The following SLC12A2 variants were observed in gnomAD, a reference collection of about 807,000 sequenced individuals.
SLC12A2 encodes the protein solute carrier family 12 member 2.
SLC12A2 carries 67 observed loss-of-function variants against 136.3 expected under a neutral mutation model. The observed-to-expected ratio is 0.49, with a 90% CI of 0.40 to 0.60. The LOEUF is 0.60. Ranked by LOEUF, SLC12A2 falls within the 20% of genes least tolerant of loss-of-function variation. SLC12A2 has a pLI of 0.00. For missense variants in SLC12A2, 1,322 were observed against 1,534.7 expected (o/e 0.86, Z 2.32); for synonymous variants, 619 against 562.9 (o/e 1.10, Z -1.41).
In SLC12A2 at chr5:128,114,594, G is replaced by A; in HGVS notation, c.961G>A (p.Val321Ile). The part of the protein sequence containing the change: ...IVGQAGIGLS[V>I]LVIMMATVVT... ...TTTCTTTCTTCGTAAAGGTCTATCA[G>A]TCCTTGTAATAATGATGGCCACTGT... The change falls in exon 4 of 27, where the codon GTC becomes ATC. Residue 321 changes from valine (V) to isoleucine (I), a missense_variant. By Grantham distance (29) the Val-to-Ile change is conservative (BLOSUM62 3). Coordinates refer to ENST00000262461, the MANE Select transcript of SLC12A2 (RefSeq NM_001046.3). The A allele has an allele frequency of 6.2e-7, 1 of 1,605,464 alleles. No individual in the cohort carries two copies. The highest frequency in any genetic ancestry group is 1.1e-5 in the South Asian group (1 of 90,862).
chr5:128,184,582 G>A (rs574057235), intron 25 of SLC12A2, 81 bp downstream of exon 25: 2 of 1,325,102 alleles, frequency 1.5e-6, no homozygotes, highest in South Asian at 1.5e-5. Context: ...TGATATAGGA[G>A]GGTCAGTTGT....
At position 128,171,687 on chromosome 5, in the gene SLC12A2, A is replaced by G. The variant is rs1581134122; in HGVS notation, c.2744A>G (p.Tyr915Cys). ...CTTAGTGATGCTTTTGACATACAATATGGAGTAGTGGTTATTCGCCTAAAA... is the reference window on the plus strand; with the variant it reads ...CTTAGTGATGCTTTTGACATACAATGTGGAGTAGTGGTTATTCGCCTAAAA... ...NLFHDAFDIQ[Y>C]GVVVIRLKEG... Residue 915 changes from tyrosine (Y) to cysteine (C), a missense_variant, in exon 19 of 27, where the codon TAT (tyrosine) becomes TGT (cysteine). By Grantham distance (194) the Tyr-to-Cys change is radical. Transcript: ENST00000262461. The G allele has an allele frequency of 6.3e-6, 10 of 1,583,956 alleles. No homozygotes were observed. Among genetic ancestry groups the G allele is most frequent in the Non-Finnish European group, 8.5e-6 (10 of 1,170,346 alleles).
rs780260587 is a variant in SLC12A2 at position 128,084,338 on chromosome 5, G to A, written c.384G>A (p.Pro128=). The part of the protein sequence containing the change: ...ADGEASGESE[P]AKGSEEAKGR... ...GGGAAGCCAGCGGCGAGAGCGAGCC[G>A]GCTAAAGGCAGCGAGGAAGCCAAGG... The change falls in exon 1 of 27, where the codon CCG becomes CCA. Residue 128 remains proline (P), a synonymous_variant. Coordinates refer to ENST00000262461, the MANE Select transcript of SLC12A2 (RefSeq NM_001046.3). This position sits in a 1 kb window ranked among gnomAD's most constrained non-coding sequence, Gnocchi z 5.6. 2 of 1,580,172 alleles carry A rather than the reference G, an allele frequency of 1.3e-6. No homozygotes were observed. Among genetic ancestry groups the A allele is most frequent in the East Asian group, 2.3e-5 (1 of 43,794 alleles).
At chr5:128,168,112 G>T in intron 18 of SLC12A2, 1 of 305,416 alleles carries the variant, frequency 3.3e-6, no homozygotes, top group Non-Finnish European at 5.9e-6. Flanking sequence ...ATATATGTAT[G>T]TATATGTATA....
At chr5:128,159,936 C>G (rs1469036000) in intron 16 of SLC12A2, among the ~76,000 whole-genome samples, 1 of 152,150 alleles carries the variant, frequency 6.6e-6, no homozygotes, top group African/African-American at 2.4e-5. Context: ...GACACATACA[C>G]ACGTATGTTT....
At chr5:128,161,276 CA>C (rs1459693910) in intron 16 of SLC12A2, among the ~76,000 whole-genome samples, 67 of 152,230 alleles carry the variant, frequency 4.4e-4, no homozygotes, top group Non-Finnish European at 7.1e-4. Context: ...ATTAATAACA[CA>C]GACATTTGGG....
chr5:128,140,648 G>A (rs7714696), intron 9 of SLC12A2, among the ~76,000 whole-genome samples: 2,115 of 152,116 alleles, frequency 0.014, 90 homozygotes, highest in African/African-American at 0.049. Context: ...AGCTAGGCCA[G>A]TAAAGGCAGC....
In SLC12A2 at chr5:128,084,361, AG is replaced by A; in HGVS notation, c.410del (p.Gly137AlafsTer5). On this transcript the variant is annotated frameshift_variant, in exon 1 of 27. Coordinates refer to ENST00000262461, the MANE Select transcript of SLC12A2 (RefSeq NM_001046.3). LOFTEE classifies it high-confidence loss of function. This position sits in a 1 kb window ranked among gnomAD's most constrained non-coding sequence, Gnocchi z 5.6. ...SEPAKGSEEA[K>X]GRFRVNFVDP... is the part of the protein sequence containing the mutation. Reference sequence around the variant, plus strand: ...CCGGCTAAAGGCAGCGAGGAAGCCAAGGGCCGCTTCCGCGTGAACTTCGTGG... The same window carrying A: ...CCGGCTAAAGGCAGCGAGGAAGCCAAGGCCGCTTCCGCGTGAACTTCGTGG... The A allele has an allele frequency of 1.2e-6, 2 of 1,600,300 alleles. No individual in the cohort carries two copies.
chr5:128,180,662 A>G (rs188002805), intron 22 of SLC12A2, among the ~76,000 whole-genome samples: 4 of 152,170 alleles, frequency 2.6e-5, no homozygotes, highest in Non-Finnish European at 5.9e-5. Context: ...TTACCAGGCC[A>G]CTATCCCATT....
chr5:128,092,191 A>T (rs1760351880), intron 1 of SLC12A2, among the ~76,000 whole-genome samples: 2 of 152,206 alleles, frequency 1.3e-5, no homozygotes, highest in Non-Finnish European at 2.9e-5. Flanking sequence ...CTATCAGCAA[A>T]TCTGAACAAT....
intron 1 of SLC12A2, among the ~76,000 whole-genome samples, chr5:128,095,518 G>A (rs1039011171): frequency 1.3e-5 from 2 of 152,194 alleles, no homozygotes; most frequent in African/African-American, 4.8e-5. Flanking sequence ...CAAAGAATAT[G>A]TGCAGTGTTT....
At chr5:128,147,447 G>A (rs1368621013) in intron 10 of SLC12A2, among the ~76,000 whole-genome samples, 175 bp from the exon 11 acceptor site, 3 of 151,594 alleles carry the variant, frequency 2.0e-5, no homozygotes, top group Non-Finnish European at 4.4e-5. Context: ...TAAGGTAAGG[G>A]CTAGTGGTAA....
At chr5:128,092,150 G>A (rs978282826) in intron 1 of SLC12A2, among the ~76,000 whole-genome samples, 1 of 152,044 alleles carries the variant, frequency 6.6e-6, no homozygotes, top group African/African-American at 2.4e-5. Flanking sequence ...TTCTAAATAG[G>A]TATTACTCTG....
chr5:128,115,467 G>T (rs529713007), intron 4 of SLC12A2, among the ~76,000 whole-genome samples: 11 of 152,226 alleles, frequency 7.2e-5, no homozygotes, highest in African/African-American at 2.6e-4. Context: ...CTTTCTGTGG[G>T]CACTATGAGG....
At chr5:128,152,057 T>A (rs981837166) in intron 14 of SLC12A2, among the ~76,000 whole-genome samples, 1 of 152,258 alleles carries the variant, frequency 6.6e-6, no homozygotes, top group South Asian at 2.1e-4. Context: ...TGAGAAAGGC[T>A]TCATCTGGGC....
chr5:128,186,412 CTACTT>C, intron 26 of SLC12A2, 79 bp from the exon 27 acceptor site: 3 of 1,309,656 alleles, frequency 2.3e-6, no homozygotes, highest in Non-Finnish European at 3.1e-6. Context: ...TTATTGTAAT[CTACTT>C]TATAATTTTT....
At chr5:128,117,597 C>A (rs1214249967) in intron 4 of SLC12A2, among the ~76,000 whole-genome samples, 2 of 152,112 alleles carry the variant, frequency 1.3e-5, no homozygotes, top group Non-Finnish European at 2.9e-5. Flanking sequence ...AGACTTAAAT[C>A]TAAGACCTGA....
rs75942541 is a variant in SLC12A2, at chr5:128,154,157, A to G, written c.2363+1352A>G. ...TTGGGCATGTTGGTGCATGCCTGCAATCCCATCACTTTGGGAGGCTGAGGC... is the reference window on the plus strand; with the variant it reads ...TTGGGCATGTTGGTGCATGCCTGCAGTCCCATCACTTTGGGAGGCTGAGGC... On this transcript the variant is annotated intron_variant, in intron 15 of 26. Coordinates refer to ENST00000262461, the MANE Select transcript of SLC12A2 (RefSeq NM_001046.3). Among the ~76,000 whole-genome samples the G allele has an allele frequency of 4.0e-3, 604 of 152,108 alleles. 4 individuals carry two copies. The highest frequency in any genetic ancestry group is 0.014 in the African/African-American group (581 of 41,496).
chr5:128,128,835 G>C (rs1761912040), intron 4 of SLC12A2, among the ~76,000 whole-genome samples: 1 of 151,302 alleles, frequency 6.6e-6, no homozygotes, highest in Admixed American at 6.6e-5. Context: ...TAGGAAATAG[G>C]AATGGAAGTG....
Sources: allele counts gnomAD v4.1 joint callset (sites outside exome capture counted in the v4.1 genomes callset), GRCh38; gene constraint gnomAD v4.1.1; non-coding constraint Gnocchi (gnomAD v3.1); transcripts MANE v1.5; gene names NCBI Gene and HGNC (gene_info 2026-07-23, HGNC 2026-07-21).